The following TMEM213 variants were observed in gnomAD, a reference collection of about 807,000 sequenced individuals.
TMEM213 encodes transmembrane protein 213.
In TMEM213, 7 loss-of-function variants were observed where a neutral mutation model predicts 11.6. That is an observed-to-expected ratio of 0.60 (90% CI 0.34 to 1.13). The LOEUF (loss-of-function observed/expected upper bound fraction) is 1.13, where lower values mean the gene tolerates loss of function less well. Ranked by LOEUF, TMEM213 falls within the 50% of genes most tolerant of loss-of-function variation. The pLI, the probability that TMEM213 is intolerant of heterozygous loss-of-function variation, is 0.03. For missense variants in TMEM213, 129 were observed against 139.0 expected, an observed-to-expected ratio of 0.93 and a Z score of 0.36; for synonymous variants, 60 against 58.3, an observed-to-expected ratio of 1.03 and a Z score of -0.13.
chr7:138,798,242 A>G (rs749648193), intron 1 of TMEM213, 56 bp downstream of exon 1: 4 of 1,493,202 alleles, frequency 2.7e-6, no homozygotes, highest in Non-Finnish European at 3.6e-6. Flanking sequence ...GAAGGAGGGA[A>G]GAGAGGTGGG....
Position 138,800,363 on chromosome 7 carries a change from C to A in TMEM213, c.83-964C>A, listed in dbSNP as rs535923187. Among the ~76,000 whole-genome samples, 133 of 152,260 alleles carry A rather than the reference C, an allele frequency of 8.7e-4. 1 individual carries two copies. The highest frequency in any genetic ancestry group is 3.0e-3 in the African/African-American group (126 of 41,528). On this transcript the variant is annotated intron_variant, in intron 1 of 2. Coordinates refer to ENST00000442682, the MANE Select transcript of TMEM213 (RefSeq NM_001085429.2). ...TCTTATTGTCAGTTATGGACAGGAACCTGGATGCCTCAGATCCCTAACCCA... is the reference window on the plus strand; with the variant it reads ...TCTTATTGTCAGTTATGGACAGGAAACTGGATGCCTCAGATCCCTAACCCA...
intron 1 of TMEM213, among the ~76,000 whole-genome samples, chr7:138,798,569 C>T (rs1397280399): frequency 1.3e-5 from 2 of 152,168 alleles, no homozygotes; most frequent in Admixed American, 6.5e-5. Flanking sequence ...ACTGGGCTGT[C>T]GTGCTTTGCA....
At chr7:138,802,555 A>AG (rs1296013862) in intron 2 of TMEM213, among the ~76,000 whole-genome samples, 1 of 123,660 alleles carries the variant, frequency 8.1e-6, no homozygotes, top group Non-Finnish European at 1.7e-5. Flanking sequence ...TGTCTCAAAA[A>AG]GAAAAAAAAA....
chr7:138,798,137 C>T lies in TMEM213; in HGVS notation c.33C>T (p.Thr11=). Residue 11 remains threonine, a synonymous_variant, in exon 1 of 3, where the codon ACC becomes ACT. Coordinates refer to ENST00000442682, the MANE Select transcript of TMEM213 (RefSeq NM_001085429.2). MQRLPAATRA[T]LILSLAFASL... is the part of the protein sequence containing the mutation. ...GCCTCCCCGCTGCCACCCGGGCCACCCTGATCCTCAGCCTGGCCTTTGCCT... is the reference window on the plus strand; with the variant it reads ...GCCTCCCCGCTGCCACCCGGGCCACTCTGATCCTCAGCCTGGCCTTTGCCT... 6.2e-7 allele frequency: 1 copy of T among 1,602,198 alleles called. No individual in the cohort carries two copies. Among genetic ancestry groups the T allele is most frequent in the Non-Finnish European group, 8.5e-7 (1 of 1,174,980 alleles).
In TMEM213 at chr7:138,804,322, C is replaced by T. The variant is rs140464884; in HGVS notation, c.*1253C>T. 792 of 152,462 alleles carry T rather than the reference C, an allele frequency of 5.2e-3. 3 individuals carry two copies. The highest frequency in any genetic ancestry group is 8.0e-3 in the Non-Finnish European group (548 of 68,170). 9.4% of individuals were successfully genotyped at this position (152,462 alleles called of 1,614,324 possible). A position where few individuals can be genotyped will look rare whatever the true frequency, so the allele number is the denominator to read the frequency against. ...CCAGCACATCCAGGAGTAAGGATTCCGACTGGTCCACTCCTCATCCTGGTG... is the reference window on the plus strand; with the variant it reads ...CCAGCACATCCAGGAGTAAGGATTCTGACTGGTCCACTCCTCATCCTGGTG... On this transcript the variant is annotated 3_prime_UTR_variant, in exon 3 of 3. Coordinates refer to ENST00000442682, the MANE Select transcript of TMEM213 (RefSeq NM_001085429.2).
chr7:138,801,581 T>C (rs949821857), intron 2 of TMEM213, 183 bp downstream of exon 2: 1 of 609,620 alleles, frequency 1.6e-6, no homozygotes. Flanking sequence ...CTTTCTTGGC[T>C]CTGATCCCCA....
At position 138,801,384 on chromosome 7, in the gene TMEM213, T is replaced by TG. The variant is rs754012329; in HGVS notation, c.142dup (p.Glu48GlyfsTer54). ...GCTCACCACCCAGACCCTGGGACCC[T>TG]GGAGCAGTGCCTCAGTAAGCTTCTC... On this transcript the variant is annotated frameshift_variant, in exon 2 of 3. Coordinates refer to ENST00000442682, the MANE Select transcript of TMEM213 (RefSeq NM_001085429.2). LOFTEE classifies it high-confidence loss of function. The TG allele has an allele frequency of 1.2e-6, 2 of 1,609,796 alleles. No homozygotes were observed. The highest frequency in any genetic ancestry group is 1.7e-6 in the Non-Finnish European group (2 of 1,178,240).
chr7:138,800,705 T>TTC (rs1491478661), intron 1 of TMEM213, among the ~76,000 whole-genome samples: 1 of 57,902 alleles, frequency 1.7e-5, no homozygotes, highest in African/African-American at 6.2e-5. Context: ...CTTCTTCTTC[T>TTC]TTTTTTTTTT....
rs1584965142 is a variant in TMEM213, at chr7:138,803,573, T to A, written c.*504T>A. On this transcript the variant is annotated 3_prime_UTR_variant, in exon 3 of 3. Coordinates refer to ENST00000442682, the MANE Select transcript of TMEM213 (RefSeq NM_001085429.2). ...TGGGCAGATCACTCAAGGTCAGGAG[T>A]TCCAGATCAGCCTGGCCAACATGGT... 1 of 159,528 alleles carries A rather than the reference T, an allele frequency of 6.3e-6. No individual in the cohort carries two copies. The highest frequency in any genetic ancestry group is 1.4e-5 in the Non-Finnish European group (1 of 72,738). 9.9% of individuals were successfully genotyped at this position (159,528 alleles called of 1,614,324 possible).
At chr7:138,798,257 AAAG>A (rs769050996) in intron 1 of TMEM213, 71 bp downstream of exon 1, 25 of 1,411,592 alleles carry the variant, frequency 1.8e-5, no homozygotes, top group Non-Finnish European at 2.1e-5. Flanking sequence ...GGTGGGAGGG[AAAG>A]AAGGAGGAGG....
chr7:138,798,126 AC>A lies in TMEM213; in HGVS notation c.25del (p.Arg9GlyfsTer4), dbSNP rs1808780527. ...CAGCATGCAGCGCCTCCCCGCTGCC[AC>A]CCGGGCCACCCTGATCCTCAGCCTG... Reference protein sequence around the residue: MQRLPAATRATLILSLAF... With the variant: MQRLPAAXRATLILSLAF... On this transcript the variant is annotated frameshift_variant, in exon 1 of 3. Transcript: ENST00000442682. LOFTEE classifies it high-confidence loss of function. 1.2e-6 allele frequency: 2 copies of A among 1,600,176 alleles called. No homozygotes were observed. Among genetic ancestry groups the A allele is most frequent in the East Asian group, 4.5e-5 (2 of 44,200 alleles).
Position 138,804,114 on chromosome 7 carries a change from A to T in TMEM213, c.*1045A>T, listed in dbSNP as rs1809035746. On this transcript the variant is annotated 3_prime_UTR_variant, in exon 3 of 3. Transcript: ENST00000442682. The stretch of plus-strand genomic sequence containing the variant: ...TTTAGCCTTCACTGCCTTCCCCTAG[A>T]ACACGCCAGGGATATTGCATTCTGT... 6.6e-6 allele frequency: 1 copy of T among 152,218 alleles called. No homozygotes were observed. The highest frequency in any genetic ancestry group is 1.5e-5 in the Non-Finnish European group (1 of 68,250). The allele number at this position is 152,218 out of a possible 1,614,324, so 9.4% of individuals were successfully genotyped here. A position where few individuals can be genotyped will look rare whatever the true frequency, so the allele number is the denominator to read the frequency against.
At chr7:138,802,757 G>A in intron 2 of TMEM213, 143 bp from the exon 3 acceptor site, 2 of 739,438 alleles carry the variant, frequency 2.7e-6, no homozygotes, top group Non-Finnish European at 3.9e-6. Flanking sequence ...ACGTGTAAAA[G>A]CACGCAGCAC....
chr7:138,806,065 A>G lies in TMEM213; in HGVS notation c.*2996A>G, dbSNP rs1809095933. On this transcript the variant is annotated 3_prime_UTR_variant, in exon 3 of 3. Coordinates refer to ENST00000442682, the MANE Select transcript of TMEM213 (RefSeq NM_001085429.2). ...CTGCACAAGAGGAAGGAGAGAACGAATCAATACAACCACTCTTTTCCTTGA... is the reference window on the plus strand; with the variant it reads ...CTGCACAAGAGGAAGGAGAGAACGAGTCAATACAACCACTCTTTTCCTTGA... The G allele has an allele frequency of 6.6e-6, 1 of 152,202 alleles. No homozygotes were observed. The highest frequency in any genetic ancestry group is 1.5e-5 in the Non-Finnish European group (1 of 68,038). The allele number at this position is 152,202 out of a possible 1,614,324, so 9.4% of individuals were successfully genotyped here. A position where few individuals can be genotyped will look rare whatever the true frequency, so the allele number is the denominator to read the frequency against.
chr7:138,798,659 G>A (rs1292424949), intron 1 of TMEM213, among the ~76,000 whole-genome samples: 2 of 151,978 alleles, frequency 1.3e-5, no homozygotes, highest in African/African-American at 2.4e-5. Flanking sequence ...CTTTCTCTGC[G>A]ACTTTCACAA....
chr7:138,803,283 G>T lies in TMEM213; in HGVS notation c.*214G>T. 1 of 585,108 alleles carries T rather than the reference G, an allele frequency of 1.7e-6. No individual in the cohort carries two copies. The highest frequency in any genetic ancestry group is 3.0e-6 in the Non-Finnish European group (1 of 335,852). 36.2% of individuals were successfully genotyped at this position (585,108 alleles called of 1,614,324 possible). Reference sequence around the variant, plus strand: ...CCCAAGGGCCCCTGGGCTGTGCCCAGGTAACTCCTCTCTCAAGATAGTCCC... The same window carrying T: ...CCCAAGGGCCCCTGGGCTGTGCCCATGTAACTCCTCTCTCAAGATAGTCCC... On this transcript the variant is annotated 3_prime_UTR_variant, in exon 3 of 3. Coordinates refer to ENST00000442682, the MANE Select transcript of TMEM213 (RefSeq NM_001085429.2).
Position 138,798,067 on chromosome 7 carries a change from C to T in TMEM213, c.-38C>T, listed in dbSNP as rs764040059. ...GGCACTCGGCACAACTCCGCAGGAC[C>T]GGCTCACCTGCACCGGGCACTCAGC... On this transcript the variant is annotated 5_prime_UTR_variant, in exon 1 of 3. Coordinates refer to ENST00000442682, the MANE Select transcript of TMEM213 (RefSeq NM_001085429.2). The T allele has an allele frequency of 1.7e-5, 27 of 1,570,992 alleles. No individual in the cohort carries two copies. Among genetic ancestry groups the T allele is most frequent in the African/African-American group, 1.4e-4 (10 of 73,998 alleles).
At chr7:138,801,218 TA>T (rs1175183207) in intron 1 of TMEM213, 108 bp from the exon 2 acceptor site, 7 of 1,030,032 alleles carry the variant, frequency 6.8e-6, no homozygotes. Context: ...CGGGAGCTTC[TA>T]TAATACTTTC....
intron 2 of TMEM213, 29 bp from the exon 3 acceptor site, chr7:138,802,871 C>A: frequency 6.6e-7 from 1 of 1,526,490 alleles, no homozygotes; most frequent in South Asian, 1.3e-5. Context: ...TGGTGCATGC[C>A]GTCGTCCTTG....
Sources: allele counts gnomAD v4.1 joint callset (sites outside exome capture counted in the v4.1 genomes callset), GRCh38; gene constraint gnomAD v4.1.1; transcripts MANE v1.5; gene names NCBI Gene and HGNC (gene_info 2026-07-23, HGNC 2026-07-21).